GFRA1: variants seen among roughly 807,000 people sequenced by gnomAD.
GFRA1 encodes the protein GDNF family receptor alpha-1.
In GFRA1, 16 loss-of-function variants were observed where a neutral mutation model predicts 51.6. The ratio of observed to expected loss-of-function variants is 0.31; its 90% CI spans 0.21 to 0.47. GFRA1 has a LOEUF of 0.47. GFRA1 is among the 20% of genes least tolerant of loss of function. The probability of loss-of-function intolerance (pLI) is 1.00; values close to 1 mark genes in which losing one functional copy is unlikely to be tolerated. For synonymous variants in GFRA1, 270 were observed against 241.3 expected (o/e 1.12, Z -1.10); for missense variants, 530 against 594.3 (o/e 0.89, Z 1.13).
At chr10:116,215,998 C>G (rs1368691667) in intron 4 of GFRA1, among the ~76,000 whole-genome samples, 1 of 152,124 alleles carries the variant, frequency 6.6e-6, no homozygotes, top group African/African-American at 2.4e-5. Context: ...CTCAGATTGC[C>G]TTTCTTAGCC....
intron 4 of GFRA1, among the ~76,000 whole-genome samples, chr10:116,257,165 A>G (rs1589917445): frequency 6.6e-6 from 1 of 152,092 alleles, no homozygotes; most frequent in Admixed American, 6.6e-5. Flanking sequence ...GTCAGAGACC[A>G]CCTTTCTCCT....
intron 6 of GFRA1, among the ~76,000 whole-genome samples, chr10:116,118,840 A>G (rs1321006277): frequency 6.6e-6 from 1 of 152,184 alleles, no homozygotes; most frequent in Admixed American, 6.5e-5. Flanking sequence ...CGTGCTGAGG[A>G]AAACGAGGCA....
intron 4 of GFRA1, among the ~76,000 whole-genome samples, chr10:116,244,883 G>A (rs764154339): frequency 6.6e-6 from 1 of 152,058 alleles, no homozygotes; most frequent in Non-Finnish European, 1.5e-5. Context: ...CCAAAACTGA[G>A]GAATGTTTTT....
intron 5 of GFRA1, among the ~76,000 whole-genome samples, chr10:116,207,647 T>C (rs561810952): frequency 3.9e-5 from 6 of 152,224 alleles, no homozygotes; most frequent in Non-Finnish European, 8.8e-5. Flanking sequence ...GTAATACATA[T>C]GATACACACA....
intron 4 of GFRA1, among the ~76,000 whole-genome samples, chr10:116,217,366 T>C (rs1367072408): frequency 6.6e-6 from 1 of 152,184 alleles, no homozygotes; most frequent in Admixed American, 6.5e-5. Flanking sequence ...ATCATGAGGA[T>C]CAAGTGGGAT....
chr10:116,160,952 T>A (rs914467032), intron 5 of GFRA1, among the ~76,000 whole-genome samples: 1 of 152,198 alleles, frequency 6.6e-6, no homozygotes, highest in South Asian at 2.1e-4. Flanking sequence ...AGGAAATCCA[T>A]GCAAAAGCAG....
rs1957243980 is a variant in GFRA1 at position 116,112,322 on chromosome 10, TC to T, written c.770+12898del. Among the ~76,000 whole-genome samples, 4 of 152,280 alleles carry T rather than the reference TC, an allele frequency of 2.6e-5. No homozygotes were observed. In the South Asian group the frequency reaches 8.3e-4, roughly 32 times the overall value. ...ATAGGAATTCCGACTGCTGGGTGCT[TC>T]CCGGGACCTGAAACTTCCAGCTTGC... On this transcript the variant is annotated intron_variant, in intron 6 of 10. Transcript: ENST00000355422.
intron 4 of GFRA1, among the ~76,000 whole-genome samples, chr10:116,221,591 A>C (rs1308454223): frequency 6.6e-6 from 1 of 152,082 alleles, no homozygotes; most frequent in Non-Finnish European, 1.5e-5. Flanking sequence ...CGGCCAGCTA[A>C]TTTTTGTGAT....
intron 8 of GFRA1, among the ~76,000 whole-genome samples, chr10:116,092,557 A>T (rs553062538): frequency 5.2e-4 from 79 of 152,230 alleles, no homozygotes; most frequent in African/African-American, 1.9e-3. Flanking sequence ...CCCACCAGGA[A>T]GTCAGACTGA....
chr10:116,196,076 G>A (rs1963717454), intron 5 of GFRA1, among the ~76,000 whole-genome samples: 1 of 151,790 alleles, frequency 6.6e-6, no homozygotes, highest in Admixed American at 6.6e-5. Flanking sequence ...CTGCACTTCT[G>A]TAGCTTGTAT....
At chr10:116,095,023 T>C (rs895962447) in intron 7 of GFRA1, among the ~76,000 whole-genome samples, 1 of 152,218 alleles carries the variant, frequency 6.6e-6, no homozygotes, top group East Asian at 1.9e-4. Context: ...CTGCAATGCA[T>C]TGCCTCTGCC....
chr10:116,182,864 A>C (rs1353648376), intron 5 of GFRA1, among the ~76,000 whole-genome samples: 1 of 152,200 alleles, frequency 6.6e-6, no homozygotes, highest in Non-Finnish European at 1.5e-5. Flanking sequence ...CCCTTCAAGT[A>C]TCAGCCAGAG....
intron 5 of GFRA1, among the ~76,000 whole-genome samples, chr10:116,166,207 A>G (rs894445639): frequency 1.3e-5 from 2 of 152,188 alleles, no homozygotes; most frequent in Non-Finnish European, 2.9e-5. Context: ...TTTGACAGGC[A>G]TTTGGGTTGA....
chr10:116,270,279 C>T (rs1328695519), intron 3 of GFRA1, among the ~76,000 whole-genome samples: 1 of 152,212 alleles, frequency 6.6e-6, no homozygotes, highest in Non-Finnish European at 1.5e-5. Context: ...GTTCAAGACT[C>T]AGCTAATCTA....
intron 6 of GFRA1, among the ~76,000 whole-genome samples, chr10:116,107,578 G>C (rs957736733): frequency 6.6e-6 from 1 of 151,532 alleles, no homozygotes; most frequent in Non-Finnish European, 1.5e-5. Flanking sequence ...TTTTTTTATA[G>C]ACCAATGAAA....
intron 5 of GFRA1, among the ~76,000 whole-genome samples, chr10:116,138,824 T>A (rs1005605801): frequency 1.1e-4 from 17 of 152,110 alleles, no homozygotes; most frequent in South Asian, 6.2e-4. Flanking sequence ...GAGCTTTAAA[T>A]TGGTTCCAAT....
rs373782509 is a variant in GFRA1 at position 116,260,241 on chromosome 10, C to T, written c.418+9262G>A. Among the ~76,000 whole-genome samples the T allele has an allele frequency of 2.6e-5, 4 of 152,324 alleles. No individual in the cohort carries two copies. In the East Asian group the frequency reaches 5.8e-4, roughly 22 times the overall value. ...TGCCTTTCCTCAGCTGTGTCACACT[C>T]GCACACACAGCTGCCTTTGTCACAG... On this transcript the variant is annotated intron_variant, in intron 4 of 10. Coordinates refer to ENST00000355422, the MANE Select transcript of GFRA1 (RefSeq NM_005264.8).
chr10:116,248,255 C>T (rs1968029994), intron 4 of GFRA1, among the ~76,000 whole-genome samples: 2 of 152,176 alleles, frequency 1.3e-5, no homozygotes, highest in Admixed American at 1.3e-4. Flanking sequence ...TGGGGCTTTG[C>T]CTGCCACTTG....
intron 4 of GFRA1, among the ~76,000 whole-genome samples, chr10:116,260,162 C>A (rs1969193957): frequency 6.6e-6 from 1 of 152,216 alleles, no homozygotes; most frequent in African/African-American, 2.4e-5. Flanking sequence ...GGACCCTTGG[C>A]TAATTTAGTA....
Sources: gnomAD v4.1 joint callset for allele counts (sites outside exome capture counted in the v4.1 genomes callset) on GRCh38, gnomAD v4.1.1 for gene constraint, MANE v1.5 for transcripts, NCBI Gene and HGNC (gene_info 2026-07-23, HGNC 2026-07-21) for gene names.